COL25A1: variants seen among roughly 807,000 people sequenced by gnomAD.
COL25A1 encodes collagen alpha-1(XXV) chain.
Under a neutral mutation model 128.4 loss-of-function variants are expected in COL25A1, and 103 were observed. The ratio of observed to expected loss-of-function variants is 0.80; its 90% CI spans 0.68 to 0.94. The LOEUF (loss-of-function observed/expected upper bound fraction) is 0.94, where lower values mean the gene tolerates loss of function less well. COL25A1 is among the 40% of genes least tolerant of loss of function. The pLI is 0.00. For missense variants in COL25A1, 745 were observed against 840.0 expected (o/e 0.89, Z 1.40); for synonymous variants, 279 against 277.2 (o/e 1.01, Z -0.06).
intron 3 of COL25A1, among the ~76,000 whole-genome samples, chr4:109,255,546 C>T (rs906733834): frequency 6.6e-6 from 1 of 151,992 alleles, no homozygotes; most frequent in African/African-American, 2.4e-5. Context: ...TTATGGAAAC[C>T]CCTTCCCTCC....
chr4:109,199,095 C>A lies in COL25A1; in HGVS notation c.367+101488G>T, dbSNP rs185666307. 2.5e-4 allele frequency among the ~76,000 whole-genome samples: 38 copies of A among 152,194 alleles called. No individual in the cohort carries two copies. In the East Asian group the frequency reaches 4.1e-3, roughly 16 times the overall value. ...CACTTTCTATTTCCTCCTTAAAGCACTTGACATTTTTTTTATAAGAATTAC... is the reference window on the plus strand; with the variant it reads ...CACTTTCTATTTCCTCCTTAAAGCAATTGACATTTTTTTTATAAGAATTAC... On this transcript the variant is annotated intron_variant, in intron 3 of 37. Coordinates refer to ENST00000399132, the MANE Select transcript of COL25A1 (RefSeq NM_198721.4).
intron 3 of COL25A1, among the ~76,000 whole-genome samples, chr4:109,166,980 T>C (rs372245380): frequency 5.9e-5 from 9 of 152,172 alleles, no homozygotes; most frequent in South Asian, 2.1e-4. Context: ...TTCATGTAAA[T>C]AATGTGCCTT....
chr4:109,276,823 T>C (rs532436623), intron 3 of COL25A1, among the ~76,000 whole-genome samples: 43 of 152,264 alleles, frequency 2.8e-4, no homozygotes, highest in African/African-American at 7.7e-4. Context: ...TCAACAGAAA[T>C]GTGCTCCCTG....
At chr4:108,862,663 C>A (rs1260016089) in intron 21 of COL25A1, 118 bp from the exon 22 acceptor site, 5 of 800,168 alleles carry the variant, frequency 6.2e-6, no homozygotes, top group African/African-American at 1.7e-5. Context: ...TTTATTTTAA[C>A]TGCCTCAATA....
At chr4:108,894,927 T>G (rs1741949332) in intron 16 of COL25A1, among the ~76,000 whole-genome samples, 1 of 152,182 alleles carries the variant, frequency 6.6e-6, no homozygotes, top group Non-Finnish European at 1.5e-5. Flanking sequence ...CCAGGTAACG[T>G]TTGACAATAC....
chr4:109,271,098 G>A (rs189056101), intron 3 of COL25A1, among the ~76,000 whole-genome samples: 2 of 152,180 alleles, frequency 1.3e-5, no homozygotes, highest in Admixed American at 1.3e-4. Context: ...CCCTTCCACT[G>A]GCTACACCAC....
intron 3 of COL25A1, among the ~76,000 whole-genome samples, chr4:109,239,420 ATATTTATT>A (rs1553965401): frequency 4.8e-5 from 6 of 124,360 alleles, no homozygotes; most frequent in African/African-American, 1.7e-4. Context: ...ATATATATAT[ATATTTATT>A]TATTTATTTA....
intron 17 of COL25A1, 80 bp downstream of exon 17, chr4:108,889,620 TA>T: frequency 7.9e-7 from 1 of 1,267,488 alleles, no homozygotes; most frequent in Non-Finnish European, 1.1e-6. Flanking sequence ...TCAAAGTTGC[TA>T]AAAAGGGAGA....
rs1234745211 is a variant in COL25A1 at position 108,863,355 on chromosome 4, T to C, written c.1116A>G (p.Arg372=). 6.2e-7 allele frequency: 1 copy of C among 1,613,736 alleles called. No homozygotes were observed. Among genetic ancestry groups the C allele is most frequent in the Non-Finnish European group, 8.5e-7 (1 of 1,179,944 alleles). ...GGGCTCCAGGTTCCCCTCGCTCACC[T>C]CTTCCAGGAGGCCCTGCTTCCCCCC... ...GERGEAGPPG[R]GERGEPGAPG... is the part of the protein sequence containing the mutation. The change falls in exon 21 of 38, where the codon AGA becomes AGG. Residue 372 remains arginine (R), a synonymous_variant. Coordinates refer to ENST00000399132, the MANE Select transcript of COL25A1 (RefSeq NM_198721.4).
chr4:108,850,804 C>T (rs1401101866), intron 26 of COL25A1, among the ~76,000 whole-genome samples: 2 of 151,960 alleles, frequency 1.3e-5, no homozygotes, highest in Admixed American at 6.6e-5. Flanking sequence ...AATTAATACA[C>T]GAATAGCAAT....
At chr4:108,858,277 T>C (rs1234910288) in intron 24 of COL25A1, among the ~76,000 whole-genome samples, 1 of 152,092 alleles carries the variant, frequency 6.6e-6, no homozygotes, top group Non-Finnish European at 1.5e-5. Context: ...ATACACAAGA[T>C]GAATTAGAAG....
intron 3 of COL25A1, among the ~76,000 whole-genome samples, chr4:109,266,160 T>G (rs945455128): frequency 6.6e-6 from 1 of 152,226 alleles, no homozygotes; most frequent in Non-Finnish European, 1.5e-5. Flanking sequence ...TTAACTTCTT[T>G]AGGGCTCATT....
Position 108,819,418 on chromosome 4 carries a change from G to C in COL25A1, c.1846-89C>G, listed in dbSNP as rs752034234. ...GAAAGAAGTAACTACAACAACAAAG[G>C]CTGGGAGAGGAGCAACTCTGAAGGG... On this transcript the variant is annotated intron_variant, in intron 35 of 37. Transcript: ENST00000399132. 13 of 1,046,482 alleles carry C rather than the reference G, an allele frequency of 1.2e-5. No individual in the cohort carries two copies. In the Admixed American group the frequency reaches 1.3e-4, roughly 10 times the overall value. The allele number at this position is 1,046,482 out of a possible 1,614,324, so 64.8% of individuals were successfully genotyped here.
intron 3 of COL25A1, among the ~76,000 whole-genome samples, chr4:109,244,877 C>A (rs78959089): frequency 0.039 from 5,987 of 152,090 alleles, 401 homozygotes; most frequent in African/African-American, 0.14. Context: ...ATATGTGGAT[C>A]TCTAGAAAAA....
chr4:108,963,517 G>A (rs180675488), intron 8 of COL25A1, among the ~76,000 whole-genome samples: 1 of 151,978 alleles, frequency 6.6e-6, no homozygotes. Flanking sequence ...ACCCCAAATC[G>A]ACCTTCACAT....
chr4:109,300,674 T>C lies in COL25A1; in HGVS notation c.298-22A>G, dbSNP rs746923721. 1.1e-5 allele frequency: 17 copies of C among 1,547,292 alleles called. No individual in the cohort carries two copies. In the African/African-American group the frequency reaches 1.5e-4, roughly 14 times the overall value. On this transcript the variant is annotated intron_variant, in intron 2 of 37. Transcript: ENST00000399132. ...ATTTCTGTAGGAAAAGAAGAGTTAT[T>C]AATAATCATCAGTAGCACTGTAGAG... is the stretch of plus-strand genomic sequence containing the variant.
chr4:108,973,168 C>T (rs1752091285), intron 8 of COL25A1, among the ~76,000 whole-genome samples: 1 of 152,150 alleles, frequency 6.6e-6, no homozygotes, highest in Non-Finnish European at 1.5e-5. Context: ...ACATACAGAG[C>T]AAATGGCTGT....
intron 32 of COL25A1, among the ~76,000 whole-genome samples, chr4:108,831,687 G>GGAGAGAGAGAGA (rs3062875): frequency 9.7e-5 from 14 of 144,302 alleles, no homozygotes; most frequent in South Asian, 6.7e-4. Context: ...AGAGAGAGGG[G>GGAGAGAGAGAGA]GAGAGAGAGA....
intron 3 of COL25A1, among the ~76,000 whole-genome samples, chr4:109,055,610 AT>A (rs1441608725): frequency 6.6e-6 from 1 of 152,076 alleles, no homozygotes; most frequent in Non-Finnish European, 1.5e-5. Context: ...CCCACCTTGT[AT>A]TTTTCGAACA....
Sources: gnomAD v4.1 joint callset for allele counts (sites outside exome capture counted in the v4.1 genomes callset) on GRCh38, gnomAD v4.1.1 for gene constraint, MANE v1.5 for transcripts, NCBI Gene and HGNC (gene_info 2026-07-23, HGNC 2026-07-21) for gene names.